SMIM1: variants seen among roughly 807,000 people sequenced by gnomAD.
SMIM1 encodes small integral membrane protein 1 (Vel blood group).
In SMIM1, 7 loss-of-function variants were observed where a neutral mutation model predicts 7.7. The observed-to-expected ratio is 0.91, with a 90% confidence interval of 0.52 to 1.71. The LOEUF is 1.71. SMIM1 is among the 40% of genes most tolerant of loss of function. The pLI, the probability that SMIM1 is intolerant of heterozygous loss-of-function variation, is 0.00. For synonymous variants in SMIM1, 41 were observed against 42.7 expected, an observed-to-expected ratio of 0.96 and a Z score of 0.16; for missense variants, 95 against 102.8, an observed-to-expected ratio of 0.92 and a Z score of 0.33.
chr1:3,775,272 G>GC lies in SMIM1; in HGVS notation c.-75-25dup. 7.2e-6 allele frequency: 6 copies of GC among 838,518 alleles called. No individual in the cohort carries two copies. The allele number at this position is 838,518 out of a possible 1,614,324, so 51.9% of individuals were successfully genotyped here. A position where few individuals can be genotyped will look rare whatever the true frequency, so the allele number is the denominator to read the frequency against. On this transcript the variant is annotated intron_variant, in intron 2 of 3. Coordinates refer to ENST00000642557, the MANE Select transcript of SMIM1 (RefSeq NM_001288583.2). The surrounding 1 kb of genome is among the most constrained non-coding windows in gnomAD (Gnocchi z 5.3). Reference sequence around the variant, plus strand: ...AGCAGCCTCAGAGGGGGTCTTGACTGCCGCCCTCCATCCGCTTGTTTTACA... The same window carrying GC: ...AGCAGCCTCAGAGGGGGTCTTGACTGCCCGCCCTCCATCCGCTTGTTTTACA...
chr1:3,774,531 C>A (rs562396414), intron 2 of SMIM1, among the ~76,000 whole-genome samples: 2 of 152,180 alleles, frequency 1.3e-5, no homozygotes, highest in East Asian at 3.9e-4. Flanking sequence ...AGCTGAGTGC[C>A]GAGATGCAAA....
At chr1:3,774,832 T>G (rs1643432731) in intron 2 of SMIM1, among the ~76,000 whole-genome samples, 1 of 151,874 alleles carries the variant, frequency 6.6e-6, no homozygotes, top group African/African-American at 2.4e-5. Flanking sequence ...CCGGTCTAGC[T>G]GTACCAGCCG....
At position 3,775,941 on chromosome 1, in the gene SMIM1, C is replaced by A; in HGVS notation, c.*20C>A. ...AAATAAATGCTGCCCCGCATGCACGCGGGGGGCTGGCCGCACACGTGAGAG... is the reference window on the plus strand; with the variant it reads ...AAATAAATGCTGCCCCGCATGCACGAGGGGGGCTGGCCGCACACGTGAGAG... On this transcript the variant is annotated 3_prime_UTR_variant, in exon 4 of 4. Transcript: ENST00000642557. This position sits in a 1 kb window ranked among gnomAD's most constrained non-coding sequence, Gnocchi z 5.3. 6.5e-7 allele frequency: 1 copy of A among 1,542,786 alleles called. No homozygotes were observed.
intron 2 of SMIM1, among the ~76,000 whole-genome samples, chr1:3,774,558 G>C (rs1039469829): frequency 1.3e-5 from 2 of 152,184 alleles, no homozygotes; most frequent in African/African-American, 4.8e-5. Context: ...TCCCAGGTCT[G>C]CAGGAGTTGG....
rs1643438551 is a variant in SMIM1 at position 3,775,158 on chromosome 1, C to CT, written c.-75-140dup. On this transcript the variant is annotated intron_variant, in intron 2 of 3. Transcript: ENST00000642557. The surrounding 1 kb of genome is among the most constrained non-coding windows in gnomAD (Gnocchi z 5.3). Reference sequence around the variant, plus strand: ...CCGGCCTGACCCTGGGCAAATGACTCTACCACTTTGTGTCTAGGTCACCTG... The same window carrying CT: ...CCGGCCTGACCCTGGGCAAATGACTCTTACCACTTTGTGTCTAGGTCACCTG... 1.0e-5 allele frequency: 5 copies of CT among 484,430 alleles called. No homozygotes were observed. The highest frequency in any genetic ancestry group is 1.9e-5 in the Non-Finnish European group (5 of 263,602). 30.0% of individuals were successfully genotyped at this position (484,430 alleles called of 1,614,324 possible).
chr1:3,775,689 G>C lies in SMIM1; in HGVS notation c.111-106G>C. 1 of 1,436,498 alleles carries C rather than the reference G, an allele frequency of 7.0e-7. No homozygotes were observed. 89.0% of individuals were successfully genotyped at this position (1,436,498 alleles called of 1,614,324 possible). A position where few individuals can be genotyped will look rare whatever the true frequency, so the allele number is the denominator to read the frequency against. ...AGAGCTTCCTCTTGACTCCAGCAGAGCGCCCAGGCCCCTCCCCCTGACCCA... is the reference window on the plus strand; with the variant it reads ...AGAGCTTCCTCTTGACTCCAGCAGACCGCCCAGGCCCCTCCCCCTGACCCA... On this transcript the variant is annotated intron_variant, in intron 3 of 3. Transcript: ENST00000642557. This position sits in a 1 kb window ranked among gnomAD's most constrained non-coding sequence, Gnocchi z 5.3.
chr1:3,772,938 G>A (rs1253285622), intron 1 of SMIM1, 125 bp from the exon 2 acceptor site: 4 of 152,304 alleles, frequency 2.6e-5, no homozygotes, highest in Non-Finnish European at 4.4e-5. Flanking sequence ...GCGGGGCCAG[G>A]GCCGGAACTG....
chr1:3,775,219 C>A lies in SMIM1; in HGVS notation c.-75-80C>A. ...CGACAGACCCGGTGAGGGAGTCAGC[C>A]CCCGACCCTTAGTGCCCCTCTCCTA... On this transcript the variant is annotated intron_variant, in intron 2 of 3. Coordinates refer to ENST00000642557, the MANE Select transcript of SMIM1 (RefSeq NM_001288583.2). This position sits in a 1 kb window ranked among gnomAD's most constrained non-coding sequence, Gnocchi z 5.3. 1.7e-6 allele frequency: 1 copy of A among 574,476 alleles called. No homozygotes were observed. Among genetic ancestry groups the A allele is most frequent in the Non-Finnish European group, 3.1e-6 (1 of 321,772 alleles). 35.6% of individuals were successfully genotyped at this position (574,476 alleles called of 1,614,324 possible).
Position 3,775,440 on chromosome 1 carries a change from C to T in SMIM1, c.67C>T (p.Leu23=), listed in dbSNP as rs1643443969. The T allele has an allele frequency of 1.3e-6, 2 of 1,511,946 alleles. No homozygotes were observed. Among genetic ancestry groups the T allele is most frequent in the Admixed American group, 4.0e-5 (2 of 50,190 alleles). The allele number at this position is 1,511,946 out of a possible 1,614,324, so 93.7% of individuals were successfully genotyped here. ...GGACGGCAGCAGGGACGGAGTCAGC[C>T]TAGGGGCTGTGTCCAGCACAGAAGA... The part of the protein sequence containing the change: ...WEDGSRDGVS[L]GAVSSTEEAS... Residue 23 remains leucine (L), a synonymous_variant, in exon 3 of 4, where the codon CTA becomes TTA. Transcript: ENST00000642557. The surrounding 1 kb of genome is among the most constrained non-coding windows in gnomAD (Gnocchi z 5.3).
At chr1:3,773,219 G>T (rs1643407619) in intron 2 of SMIM1, 38 bp downstream of exon 2, 1 of 152,348 alleles carries the variant, frequency 6.6e-6, no homozygotes, top group Admixed American at 6.5e-5. Flanking sequence ...GGGTGAAGAG[G>T]TCTATGGAGG....
At position 3,775,595 on chromosome 1, in the gene SMIM1, G is replaced by T; in HGVS notation, c.110+112G>T. ...ATCACCCTCCACCCCATCCTGGCTGGGAGCCCACGGTCCAGCAGCTCAGCA... is the reference window on the plus strand; with the variant it reads ...ATCACCCTCCACCCCATCCTGGCTGTGAGCCCACGGTCCAGCAGCTCAGCA... On this transcript the variant is annotated intron_variant, in intron 3 of 3. Transcript: ENST00000642557. This position sits in a 1 kb window ranked among gnomAD's most constrained non-coding sequence, Gnocchi z 5.3. 1.6e-6 allele frequency: 2 copies of T among 1,284,054 alleles called. No homozygotes were observed. The highest frequency in any genetic ancestry group is 2.1e-6 in the Non-Finnish European group (2 of 945,514). The allele number at this position is 1,284,054 out of a possible 1,614,324, so 79.5% of individuals were successfully genotyped here. A position where few individuals can be genotyped will look rare whatever the true frequency, so the allele number is the denominator to read the frequency against.
At chr1:3,774,726 G>C (rs1299494426) in intron 2 of SMIM1, among the ~76,000 whole-genome samples, 1 of 152,114 alleles carries the variant, frequency 6.6e-6, no homozygotes, top group Non-Finnish European at 1.5e-5. Flanking sequence ...AGCCCTCCTA[G>C]AGGTGTGGGT....
Position 3,775,573 on chromosome 1 carries a change from AC to A in SMIM1, c.110+93del. 1 of 1,307,130 alleles carries A rather than the reference AC, an allele frequency of 7.7e-7. No individual in the cohort carries two copies. Among genetic ancestry groups the A allele is most frequent in the South Asian group, 1.4e-5 (1 of 72,232 alleles). The allele number at this position is 1,307,130 out of a possible 1,614,324, so 81.0% of individuals were successfully genotyped here. On this transcript the variant is annotated intron_variant, in intron 3 of 3. Coordinates refer to ENST00000642557, the MANE Select transcript of SMIM1 (RefSeq NM_001288583.2). The surrounding 1 kb of genome is among the most constrained non-coding windows in gnomAD (Gnocchi z 5.3). ...CCTAACCCCTGCTACCGGCCCCATCACCCTCCACCCCATCCTGGCTGGGAGC... is the reference window on the plus strand; with the variant it reads ...CCTAACCCCTGCTACCGGCCCCATCACCTCCACCCCATCCTGGCTGGGAGC...
chr1:3,774,312 G>A (rs1235827124), intron 2 of SMIM1, among the ~76,000 whole-genome samples: 1 of 152,152 alleles, frequency 6.6e-6, no homozygotes, highest in East Asian at 1.9e-4. Flanking sequence ...CAGCCTGGGT[G>A]GGTTGTCAAC....
In SMIM1 at chr1:3,775,544, C is replaced by G. The variant is rs1643445498; in HGVS notation, c.110+61C>G. 7.0e-7 allele frequency: 1 copy of G among 1,433,306 alleles called. No individual in the cohort carries two copies. The highest frequency in any genetic ancestry group is 2.1e-5 in the Admixed American group (1 of 46,696). 88.8% of individuals were successfully genotyped at this position (1,433,306 alleles called of 1,614,324 possible). A position where few individuals can be genotyped will look rare whatever the true frequency, so the allele number is the denominator to read the frequency against. On this transcript the variant is annotated intron_variant, in intron 3 of 3. Transcript: ENST00000642557. This position sits in a 1 kb window ranked among gnomAD's most constrained non-coding sequence, Gnocchi z 5.3. ...GGCTGGTGTCTCCCTCCAGAGACGCCTGCCCTAACCCCTGCTACCGGCCCC... is the reference window on the plus strand; with the variant it reads ...GGCTGGTGTCTCCCTCCAGAGACGCGTGCCCTAACCCCTGCTACCGGCCCC...
rs1381732716 is a variant in SMIM1, at chr1:3,775,433, A to G, written c.60A>G (p.Gly20=). 11 of 1,550,352 alleles carry G rather than the reference A, an allele frequency of 7.1e-6. No homozygotes were observed. Among genetic ancestry groups the G allele is most frequent in the Middle Eastern group, 1.7e-4 (1 of 6,008 alleles). ...YSRWEDGSRD[G]VSLGAVSSTE... is the part of the protein sequence containing the mutation. ...GGTGGGAGGACGGCAGCAGGGACGG[A>G]GTCAGCCTAGGGGCTGTGTCCAGCA... is the stretch of plus-strand genomic sequence containing the variant. Residue 20 remains glycine, a synonymous_variant, in exon 3 of 4, where the codon GGA becomes GGG. Transcript: ENST00000642557. This position sits in a 1 kb window ranked among gnomAD's most constrained non-coding sequence, Gnocchi z 5.3.
intron 2 of SMIM1, among the ~76,000 whole-genome samples, chr1:3,774,135 G>T (rs1643422727): frequency 6.6e-6 from 1 of 152,042 alleles, no homozygotes; most frequent in Non-Finnish European, 1.5e-5. Flanking sequence ...CTGTGCCGAT[G>T]ACCTGGGAGG....
chr1:3,775,932 G>A lies in SMIM1; in HGVS notation c.*11G>A, dbSNP rs573859413. ...CACAAGTGCAAATAAATGCTGCCCC[G>A]CATGCACGCGGGGGGCTGGCCGCAC... On this transcript the variant is annotated 3_prime_UTR_variant, in exon 4 of 4. Coordinates refer to ENST00000642557, the MANE Select transcript of SMIM1 (RefSeq NM_001288583.2). This position sits in a 1 kb window ranked among gnomAD's most constrained non-coding sequence, Gnocchi z 5.3. The A allele has an allele frequency of 4.5e-5, 69 of 1,546,822 alleles. No homozygotes were observed. In the African/African-American group the frequency reaches 6.0e-4, roughly 13 times the overall value.
At chr1:3,773,703 C>T (rs575227708) in intron 2 of SMIM1, among the ~76,000 whole-genome samples, 1 of 152,330 alleles carries the variant, frequency 6.6e-6, no homozygotes, top group East Asian at 1.9e-4. Flanking sequence ...TCCCCTGCTG[C>T]ACCCTGGCTC....
Sources: allele counts gnomAD v4.1 joint callset (sites outside exome capture counted in the v4.1 genomes callset), GRCh38; gene constraint gnomAD v4.1.1; non-coding constraint Gnocchi (gnomAD v3.1); transcripts MANE v1.5; gene names NCBI Gene and HGNC (gene_info 2026-07-23, HGNC 2026-07-21).